Variants in CDK19 observed in about 807,000 individuals in gnomAD.
The protein encoded by CDK19 is cyclin-dependent kinase 19.
Under a neutral mutation model 68.3 loss-of-function variants are expected in CDK19, and 20 were observed. The observed-to-expected ratio is 0.29, with a 90% CI of 0.21 to 0.43. CDK19 has a LOEUF of 0.43. CDK19 is among the 20% of genes least tolerant of loss of function. CDK19 has a pLI of 1.00. For synonymous variants in CDK19, 221 were observed against 222.8 expected (o/e 0.99, Z 0.07); for missense variants, 339 against 623.5 (o/e 0.54, Z 4.86).
intron 1 of CDK19, among the ~76,000 whole-genome samples, chr6:110,761,137 G>A (rs1779201411): frequency 6.6e-6 from 1 of 151,984 alleles, no homozygotes; most frequent in Admixed American, 6.6e-5. Flanking sequence ...TTGATAGGAG[G>A]GGGTCTCATT....
rs932974378 is a variant in CDK19, at chr6:110,613,335, G to C, written c.*1200C>G. On this transcript the variant is annotated 3_prime_UTR_variant, in exon 13 of 13. Coordinates refer to ENST00000368911, the MANE Select transcript of CDK19 (RefSeq NM_015076.5). ...AGTGCAATGAAAAAGATTCTTGATA[G>C]AATTAAGTTTCAGTAACAACAGCAA... The C allele has an allele frequency of 6.6e-6, 1 of 152,606 alleles. No homozygotes were observed. The highest frequency in any genetic ancestry group is 1.5e-5 in the Non-Finnish European group (1 of 68,032). 9.5% of individuals were successfully genotyped at this position (152,606 alleles called of 1,614,324 possible). A position where few individuals can be genotyped will look rare whatever the true frequency, so the allele number is the denominator to read the frequency against.
intron 1 of CDK19, among the ~76,000 whole-genome samples, chr6:110,762,903 G>A (rs1214479820): frequency 6.6e-6 from 1 of 152,098 alleles, no homozygotes; most frequent in Non-Finnish European, 1.5e-5. Context: ...TAATACCTTG[G>A]AGCTAACAAT....
intron 2 of CDK19, among the ~76,000 whole-genome samples, chr6:110,702,254 T>C (rs9400407): frequency 0.16 from 23,814 of 152,092 alleles, 2,083 homozygotes; most frequent in East Asian, 0.32. Context: ...GAGACCAGAC[T>C]GGACAACATA....
At chr6:110,789,301 G>A (rs1282626237) in intron 1 of CDK19, among the ~76,000 whole-genome samples, 1 of 148,626 alleles carries the variant, frequency 6.7e-6, no homozygotes, top group Non-Finnish European at 1.5e-5. Flanking sequence ...TTTTTTTTAA[G>A]TGGAGTCTTG....
intron 2 of CDK19, among the ~76,000 whole-genome samples, chr6:110,705,098 T>C (rs1490523422): frequency 2.0e-5 from 3 of 150,014 alleles, no homozygotes; most frequent in Non-Finnish European, 3.0e-5. Flanking sequence ...GCTGGAGCAA[T>C]GGCACAATCT....
At chr6:110,636,781 T>C (rs1022706040) in intron 5 of CDK19, among the ~76,000 whole-genome samples, 1 of 152,186 alleles carries the variant, frequency 6.6e-6, no homozygotes, top group African/African-American at 2.4e-5. Context: ...ATATAAGATG[T>C]ATTTTAAATT....
intron 2 of CDK19, among the ~76,000 whole-genome samples, chr6:110,732,313 C>A (rs577105059): frequency 6.6e-6 from 1 of 151,988 alleles, no homozygotes; most frequent in Non-Finnish European, 1.5e-5. Context: ...CTGGCTGTCA[C>A]GGCGCAAAAC....
At chr6:110,762,627 C>T (rs772634806) in intron 1 of CDK19, among the ~76,000 whole-genome samples, 2 of 152,220 alleles carry the variant, frequency 1.3e-5, no homozygotes, top group Non-Finnish European at 1.5e-5. Context: ...AGGCAGAATA[C>T]GTAAAGCACC....
intron 2 of CDK19, among the ~76,000 whole-genome samples, chr6:110,734,312 T>C (rs1428624610): frequency 6.6e-6 from 1 of 151,978 alleles, no homozygotes; most frequent in Non-Finnish European, 1.5e-5. Context: ...ACCCAGCCAT[T>C]TCATCAACTT....
At chr6:110,639,328 T>C (rs1779978562) in intron 4 of CDK19, among the ~76,000 whole-genome samples, 1 of 152,226 alleles carries the variant, frequency 6.6e-6, no homozygotes, top group Non-Finnish European at 1.5e-5. Context: ...TGTAGACACT[T>C]GGAAACAGAG....
intron 1 of CDK19, among the ~76,000 whole-genome samples, chr6:110,784,080 G>A (rs993181769): frequency 6.7e-6 from 1 of 149,414 alleles, no homozygotes; most frequent in Non-Finnish European, 1.5e-5. Flanking sequence ...AATTGCTTGA[G>A]CTGGGGAGGC....
At chr6:110,615,993 T>A (rs1184966578) in intron 12 of CDK19, among the ~76,000 whole-genome samples, 1 of 151,944 alleles carries the variant, frequency 6.6e-6, no homozygotes, top group Admixed American at 6.6e-5. Context: ...TTCACACCCC[T>A]TTGATTGCAT....
chr6:110,617,660 T>TACACACACACAC (rs1317691490), intron 12 of CDK19, among the ~76,000 whole-genome samples: 1 of 66,834 alleles, frequency 1.5e-5, no homozygotes, highest in African/African-American at 8.6e-5. Context: ...TTTATATATA[T>TACACACACACAC]ATACACACAC....
At chr6:110,748,637 C>A (rs1778236567) in intron 1 of CDK19, among the ~76,000 whole-genome samples, 1 of 152,216 alleles carries the variant, frequency 6.6e-6, no homozygotes, top group Non-Finnish European at 1.5e-5. Flanking sequence ...CTTCTTGGCA[C>A]TGTACTACGT....
At chr6:110,740,359 C>T (rs930864945) in intron 2 of CDK19, among the ~76,000 whole-genome samples, 17 of 152,174 alleles carry the variant, frequency 1.1e-4, no homozygotes, top group Admixed American at 5.9e-4. Flanking sequence ...AAAATGCTGA[C>T]GTTCACATGA....
intron 6 of CDK19, among the ~76,000 whole-genome samples, chr6:110,630,430 G>A (rs1253589778): frequency 1.3e-5 from 2 of 152,026 alleles, no homozygotes; most frequent in Non-Finnish European, 2.9e-5. Context: ...CTATCCTCTG[G>A]TTCCTTCTGA....
intron 2 of CDK19, among the ~76,000 whole-genome samples, chr6:110,717,537 T>C (rs1473760253): frequency 6.6e-6 from 1 of 152,224 alleles, no homozygotes; most frequent in African/African-American, 2.4e-5. Flanking sequence ...CAAGACTGTC[T>C]CATTTTCTTT....
At chr6:110,692,325 C>T (rs965773722) in intron 2 of CDK19, among the ~76,000 whole-genome samples, 1 of 150,140 alleles carries the variant, frequency 6.7e-6, no homozygotes, top group African/African-American at 2.4e-5. Context: ...GACACTCTTA[C>T]AGAATTACAA....
chr6:110,761,248 C>A (rs1456449302), intron 1 of CDK19, among the ~76,000 whole-genome samples: 1 of 152,140 alleles, frequency 6.6e-6, no homozygotes, highest in East Asian at 1.9e-4. Context: ...CTGCCCAGCA[C>A]ACAATCTGTG....
Sources: allele counts gnomAD v4.1 joint callset (sites outside exome capture counted in the v4.1 genomes callset), GRCh38; gene constraint gnomAD v4.1.1; transcripts MANE v1.5; gene names NCBI Gene and HGNC (gene_info 2026-07-23, HGNC 2026-07-21).